SPRY3: variants seen among roughly 807,000 people sequenced by gnomAD.
SPRY3 encodes the protein sprouty RTK signaling antagonist 3, also known as protein sprouty homolog 3.
Under a neutral mutation model 20.2 loss-of-function variants are expected in SPRY3, and 15 were observed. The observed-to-expected ratio is 0.74, with a 90% CI of 0.50 to 1.14. The LOEUF (loss-of-function observed/expected upper bound fraction) is 1.14, where lower values mean the gene tolerates loss of function less well. SPRY3 is among the 50% of genes most tolerant of loss of function. SPRY3 has a pLI of 0.00. For synonymous variants in SPRY3, 143 were observed against 136.5 expected (o/e 1.05, Z -0.33); for missense variants, 364 against 363.9 (o/e 1.00, Z 0.00).
Position 155,664,602 on chromosome X carries a change from G to A in SPRY3, c.-282+7577G>A, listed in dbSNP as rs781981712. Among the ~76,000 whole-genome samples the A allele has an allele frequency of 1.4e-4, 16 of 110,594 alleles. 1 individual carries two copies. In the South Asian group the frequency reaches 6.0e-3, roughly 42 times the overall value. ...GACATATAGAGTATATAATAAATCA[G>A]TGTATGAAATGATGGACTTTCCAAT... On this transcript the variant is annotated intron_variant, in intron 2 of 3. Transcript: ENST00000675360.
At chrX:155,754,968 G>A (rs1261245332) in intron 2 of SPRY3, among the ~76,000 whole-genome samples, 6 of 151,746 alleles carry the variant, frequency 4.0e-5, no homozygotes, top group Non-Finnish European at 8.8e-5. Context: ...ACTTGTGTGT[G>A]TGTGTGTGTA....
chrX:155,720,082 T>C (rs1400849349), intron 2 of SPRY3, among the ~76,000 whole-genome samples: 1 of 151,998 alleles, frequency 6.6e-6, no homozygotes, highest in Non-Finnish European at 1.5e-5. Context: ...GCAGGGTAAG[T>C]CCCAGACCAG....
At chrX:155,672,561 A>T (rs1243097527) in intron 2 of SPRY3, among the ~76,000 whole-genome samples, 1 of 110,602 alleles carries the variant, frequency 9.0e-6, no homozygotes, top group Non-Finnish European at 1.9e-5. Context: ...AAAGTCAGGA[A>T]ACAACAGGTG....
At chrX:155,661,604 G>A (rs1429905307) in intron 2 of SPRY3, among the ~76,000 whole-genome samples, 2 of 110,670 alleles carry the variant, frequency 1.8e-5, no homozygotes, top group South Asian at 3.7e-4. Flanking sequence ...TTTTTTTTCT[G>A]AATTATTTCC....
At chrX:155,714,599 C>A (rs1184050355) in intron 2 of SPRY3, among the ~76,000 whole-genome samples, 4 of 152,104 alleles carry the variant, frequency 2.6e-5, no homozygotes, top group Non-Finnish European at 4.4e-5. Context: ...ACTAGAGGAA[C>A]TGTGCTGGGT....
At chrX:155,662,523 G>A (rs947379176) in intron 2 of SPRY3, among the ~76,000 whole-genome samples, 1 of 109,738 alleles carries the variant, frequency 9.1e-6, no homozygotes, top group Non-Finnish European at 1.9e-5. Context: ...AGGCCAGTAG[G>A]TGGTGCTTGC....
chrX:155,638,644 G>A lies in SPRY3; in HGVS notation c.-440-18223G>A, dbSNP rs2067932172. ...CATTAAAGAATCAGCTTGTCAAGTC[G>A]CAAAATAAATCTGTGGAAATTTTGG... On this transcript the variant is annotated intron_variant, in intron 1 of 3. Coordinates refer to ENST00000675360, the Ensembl canonical transcript of SPRY3. Among the ~76,000 whole-genome samples, 3 of 109,760 alleles carry A rather than the reference G, an allele frequency of 2.7e-5. No individual in the cohort carries two copies. The South Asian group carries it at 1.2e-3, about 43-fold the overall frequency.
intron 2 of SPRY3, among the ~76,000 whole-genome samples, chrX:155,725,308 G>T: frequency 6.6e-6 from 1 of 152,232 alleles, no homozygotes; most frequent in Middle Eastern, 3.4e-3. Context: ...GCCAGGCTTT[G>T]GTATCAGGAT....
At chrX:155,755,222 T>C (rs1197638789) in intron 2 of SPRY3, among the ~76,000 whole-genome samples, 1 of 149,282 alleles carries the variant, frequency 6.7e-6, no homozygotes, top group Non-Finnish European at 1.5e-5. Flanking sequence ...CACATCCCAG[T>C]TTAATCTTTT....
At chrX:155,664,566 G>T (rs113505379) in intron 2 of SPRY3, among the ~76,000 whole-genome samples, 151 of 110,063 alleles carry the variant, frequency 1.4e-3, no homozygotes, top group African/African-American at 4.9e-3. Context: ...AAGAATAAAT[G>T]ATTAGTATAT....
chrX:155,779,398 T>C (rs2091450032), downstream of SPRY3: 1 of 167,040 alleles, frequency 6.0e-6, no homozygotes, highest in Admixed American at 6.5e-5. Flanking sequence ...TAAATAAAGC[T>C]TTATTGTGGC....
rs1288379062 is a variant in SPRY3, at chrX:155,762,977, T to C, written c.-281-4985T>C. Among the ~76,000 whole-genome samples, 3 of 152,214 alleles carry C rather than the reference T, an allele frequency of 2.0e-5. No homozygotes were observed. The East Asian group carries it at 5.8e-4, about 29-fold the overall frequency. ...TGGAATCAATCAACCTGGGTGCCCA[T>C]CAGCAGTGGATTGGATAAAGAAAAT... is the stretch of plus-strand genomic sequence containing the variant. On this transcript the variant is annotated intron_variant, in intron 2 of 3. Transcript: ENST00000675360.
exon 4 of SPRY3, chrX:155,773,826 T>A: frequency 6.3e-7 from 1 of 1,584,804 alleles, no homozygotes; most frequent in Non-Finnish European, 8.6e-7. Flanking sequence ...TCACCATAAG[T>A]GCCACCCTGA....
At chrX:155,757,056 A>C (rs1027114905) in intron 2 of SPRY3, among the ~76,000 whole-genome samples, 8 of 152,140 alleles carry the variant, frequency 5.3e-5, no homozygotes, top group Non-Finnish European at 8.8e-5. Context: ...AGATCTTTTT[A>C]AAATCACAAG....
intron 2 of SPRY3, among the ~76,000 whole-genome samples, chrX:155,687,078 C>T (rs1248799799): frequency 8.9e-6 from 1 of 112,622 alleles, no homozygotes; most frequent in Non-Finnish European, 1.9e-5. Context: ...TACTTTTTAG[C>T]ATTCTCAAAT....
intron 2 of SPRY3, among the ~76,000 whole-genome samples, chrX:155,765,089 T>G (rs1048405778): frequency 1.3e-5 from 2 of 152,144 alleles, no homozygotes; most frequent in African/African-American, 4.8e-5. Context: ...CATACATTAT[T>G]TAGTCACCTC....
intron 2 of SPRY3, among the ~76,000 whole-genome samples, chrX:155,706,814 C>T (rs1280721295): frequency 1.3e-5 from 2 of 150,924 alleles, no homozygotes; most frequent in Non-Finnish European, 3.0e-5. Context: ...AGCAATGGTA[C>T]ATCTATTTTA....
chrX:155,643,581 T>A (rs912866651), intron 1 of SPRY3, among the ~76,000 whole-genome samples: 50 of 111,646 alleles, frequency 4.5e-4, no homozygotes, highest in African/African-American at 1.4e-3. Flanking sequence ...AGGTGATTTT[T>A]TTTTCTGCTG....
intron 1 of SPRY3, among the ~76,000 whole-genome samples, chrX:155,639,469 A>G (rs1204915589): frequency 8.9e-6 from 1 of 112,223 alleles, no homozygotes; most frequent in African/African-American, 3.2e-5. Context: ...ATATAGGAGT[A>G]TTTGTCCTTA....
Sources: allele counts gnomAD v4.1 joint callset (sites outside exome capture counted in the v4.1 genomes callset), GRCh38; gene constraint gnomAD v4.1.1; transcripts MANE v1.5; gene names NCBI Gene and HGNC (gene_info 2026-07-23, HGNC 2026-07-21).